Variants in ZNF438 observed in about 807,000 individuals in gnomAD.
ZNF438 encodes zinc finger protein 438.
A neutral mutation model predicts 38.0 loss-of-function variants in ZNF438; 25 were observed. The ratio of observed to expected loss-of-function variants is 0.66; its 90% confidence interval spans 0.48 to 0.92. The LOEUF (loss-of-function observed/expected upper bound fraction) is 0.92, where lower values mean the gene tolerates loss of function less well. Among genes scored for constraint, ZNF438 ranks in the 40% least tolerant of loss-of-function variants. The pLI, the probability that ZNF438 is intolerant of heterozygous loss-of-function variation, is 0.00. For missense variants in ZNF438, 1,007 were observed against 999.6 expected, an observed-to-expected ratio of 1.01 and a Z score of -0.10; for synonymous variants, 372 against 364.1, an observed-to-expected ratio of 1.02 and a Z score of -0.25.
chr10:30,986,956 T>C (rs2052876755), intron 1 of ZNF438, among the ~76,000 whole-genome samples: 2 of 152,148 alleles, frequency 1.3e-5, no homozygotes, highest in Non-Finnish European at 2.9e-5. Flanking sequence ...GAAAGAACAA[T>C]GTTCTTACTA....
chr10:30,988,986 T>C (rs2053160385), intron 1 of ZNF438, among the ~76,000 whole-genome samples: 1 of 152,172 alleles, frequency 6.6e-6, no homozygotes, highest in Non-Finnish European at 1.5e-5. Context: ...TGGTGGGCCT[T>C]ATTCAATCAG....
chr10:30,999,347 T>G (rs913364239), intron 1 of ZNF438: 1 of 152,326 alleles, frequency 6.6e-6, no homozygotes, highest in Admixed American at 6.5e-5. Context: ...CCAGGGGCTC[T>G]GTTCACCTCT....
chr10:30,848,152 C>T (rs1199495485), intron 5 of ZNF438, among the ~76,000 whole-genome samples: 1 of 152,180 alleles, frequency 6.6e-6, no homozygotes, highest in Non-Finnish European at 1.5e-5. Flanking sequence ...GGTCTGGGCA[C>T]CTTAAGGTAG....
intron 4 of ZNF438, among the ~76,000 whole-genome samples, chr10:30,855,236 A>T (rs2132955869): frequency 6.6e-6 from 1 of 152,312 alleles, no homozygotes; most frequent in East Asian, 1.9e-4. Context: ...TGGCTGCGAG[A>T]GCACCGATCA....
intron 1 of ZNF438, among the ~76,000 whole-genome samples, chr10:30,945,173 T>C (rs907460604): frequency 1.3e-5 from 2 of 152,074 alleles, no homozygotes; most frequent in Admixed American, 1.3e-4. Context: ...CTGTCCATTA[T>C]TGCTTCAAGT....
intron 4 of ZNF438, among the ~76,000 whole-genome samples, chr10:30,856,786 A>G (rs183624416): frequency 6.6e-6 from 1 of 152,220 alleles, no homozygotes; most frequent in Non-Finnish European, 1.5e-5. Context: ...ATTGTGTACA[A>G]TTATTCAACA....
intron 1 of ZNF438, among the ~76,000 whole-genome samples, chr10:31,020,558 G>C (rs1164579654): frequency 1.3e-5 from 2 of 152,084 alleles, no homozygotes; most frequent in Non-Finnish European, 2.9e-5. Context: ...TTAGCTCTAG[G>C]GGGAATGAGA....
At chr10:30,992,414 TTC>T (rs1160104564) in intron 1 of ZNF438, among the ~76,000 whole-genome samples, 2 of 90,664 alleles carry the variant, frequency 2.2e-5, no homozygotes, top group East Asian at 2.2e-4. Context: ...ACTCTGAATC[TTC>T]TTTTTTTTTT....
chr10:30,880,345 C>T (rs569505230), intron 3 of ZNF438, among the ~76,000 whole-genome samples: 119 of 150,078 alleles, frequency 7.9e-4, no homozygotes, highest in Non-Finnish European at 1.4e-3. Flanking sequence ...GCAGGAGAAT[C>T]GCTTGAACCC....
At chr10:30,885,501 C>T (rs549974470) in intron 3 of ZNF438, among the ~76,000 whole-genome samples, 3 of 152,316 alleles carry the variant, frequency 2.0e-5, no homozygotes, top group Admixed American at 2.0e-4. Flanking sequence ...TTCACAAATA[C>T]CTCATCCACA....
intron 3 of ZNF438, among the ~76,000 whole-genome samples, chr10:30,879,318 C>A (rs530201749): frequency 6.6e-6 from 1 of 152,148 alleles, no homozygotes; most frequent in Admixed American, 6.5e-5. Flanking sequence ...TCTGGTTTCA[C>A]GTAAATCTTA....
intron 1 of ZNF438, among the ~76,000 whole-genome samples, chr10:30,972,973 C>T (rs1413911845): frequency 2.6e-5 from 4 of 152,158 alleles, no homozygotes; most frequent in Admixed American, 6.5e-5. Flanking sequence ...TCATCATCAT[C>T]ATCTTCATCA....
At chr10:30,916,762 C>A (rs1300567813) in intron 2 of ZNF438, among the ~76,000 whole-genome samples, 1 of 151,996 alleles carries the variant, frequency 6.6e-6, no homozygotes, top group Non-Finnish European at 1.5e-5. Flanking sequence ...CTTTCTGGAA[C>A]ATATTATGTA....
At chr10:30,882,294 A>T (rs2039369292) in intron 3 of ZNF438, among the ~76,000 whole-genome samples, 1 of 152,216 alleles carries the variant, frequency 6.6e-6, no homozygotes, top group African/African-American at 2.4e-5. Context: ...ACATAAGAAG[A>T]TGTTCAACAT....
chr10:30,918,181 G>T (rs1018533243), intron 2 of ZNF438, among the ~76,000 whole-genome samples: 22 of 152,152 alleles, frequency 1.4e-4, no homozygotes, highest in African/African-American at 5.1e-4. Context: ...ATGCTATCTG[G>T]ATTACTGCAG....
At chr10:30,942,143 A>G (rs1309763666) in intron 1 of ZNF438, among the ~76,000 whole-genome samples, 1 of 152,210 alleles carries the variant, frequency 6.6e-6, no homozygotes, top group East Asian at 1.9e-4. Flanking sequence ...TAATTACTAC[A>G]GGGAAAATGT....
At chr10:30,875,758 G>T (rs1328354176) in intron 4 of ZNF438, among the ~76,000 whole-genome samples, 1 of 152,158 alleles carries the variant, frequency 6.6e-6, no homozygotes, top group East Asian at 1.9e-4. Flanking sequence ...CAAACCAAGC[G>T]GTCTAATTCC....
intron 1 of ZNF438, among the ~76,000 whole-genome samples, chr10:30,942,585 T>C (rs2046933254): frequency 1.3e-5 from 2 of 152,346 alleles, no homozygotes; most frequent in Non-Finnish European, 1.5e-5. Flanking sequence ...GTTACAAACA[T>C]AGGATTCTTA....
At chr10:30,898,860 G>A (rs2041668723) in intron 3 of ZNF438, among the ~76,000 whole-genome samples, 1 of 151,918 alleles carries the variant, frequency 6.6e-6, no homozygotes, top group South Asian at 2.1e-4. Flanking sequence ...ATCAATAAGA[G>A]GGACACCATA....
Sources: allele counts gnomAD v4.1 joint callset (sites outside exome capture counted in the v4.1 genomes callset), GRCh38; gene constraint gnomAD v4.1.1; transcripts MANE v1.5; gene names NCBI Gene and HGNC (gene_info 2026-07-23, HGNC 2026-07-21).